The following FYB1 variants were observed in gnomAD, a reference collection of about 807,000 sequenced individuals.
The protein encoded by FYB1 is FYN binding protein 1, also known as FYN-binding protein 1.
A neutral mutation model predicts 94.1 loss-of-function variants in FYB1; 41 were observed. The observed-to-expected ratio is 0.44, with a 90% CI of 0.34 to 0.57. The LOEUF (loss-of-function observed/expected upper bound fraction) is 0.57, where lower values mean the gene tolerates loss of function less well. Among genes scored for constraint, FYB1 ranks in the 20% least tolerant of loss-of-function variants. The probability of loss-of-function intolerance (pLI) is 0.02; values close to 1 mark genes in which losing one functional copy is unlikely to be tolerated. For synonymous variants in FYB1, 367 were observed against 353.2 expected, an observed-to-expected ratio of 1.04 and a Z score of -0.44; for missense variants, 1,050 against 976.8, an observed-to-expected ratio of 1.07 and a Z score of -1.00.
At chr5:39,249,619 G>A (rs988100531) in intron 1 of FYB1, among the ~76,000 whole-genome samples, 2 of 152,150 alleles carry the variant, frequency 1.3e-5, no homozygotes, top group African/African-American at 4.8e-5. Context: ...GAGTCAAAGA[G>A]GACAAGAGCC....
chr5:39,112,679 G>A lies in FYB1; in HGVS notation c.2402-2290C>T, dbSNP rs970576040. Among the ~76,000 whole-genome samples, 4 of 152,164 alleles carry A rather than the reference G, an allele frequency of 2.6e-5. No homozygotes were observed. In the East Asian group the frequency reaches 7.7e-4, roughly 29 times the overall value. On this transcript the variant is annotated intron_variant, in intron 16 of 18. Transcript: ENST00000512982. ...ACTAAACGAAAAGAGAGCTAAAACA[G>A]TGCTTTACATGACCAAAGTTAATCA...
At chr5:39,252,131 C>G (rs1435469111) in intron 1 of FYB1, among the ~76,000 whole-genome samples, 2 of 151,300 alleles carry the variant, frequency 1.3e-5, no homozygotes, top group East Asian at 3.9e-4. Context: ...AGCGACAGAG[C>G]GAGACTCCGT....
intron 2 of FYB1, among the ~76,000 whole-genome samples, chr5:39,172,286 A>G (rs1438604633): frequency 3.3e-5 from 5 of 152,064 alleles, no homozygotes; most frequent in African/African-American, 1.2e-4. Flanking sequence ...TCTCTACTAA[A>G]TATACAAAAA....
At chr5:39,136,502 C>G (rs914743341) in intron 7 of FYB1, among the ~76,000 whole-genome samples, 2 of 152,134 alleles carry the variant, frequency 1.3e-5, no homozygotes, top group African/African-American at 4.8e-5. Flanking sequence ...TTACATATAG[C>G]AAGCTTTTTC....
chr5:39,151,165 A>G (rs562502991), intron 3 of FYB1, among the ~76,000 whole-genome samples: 2 of 152,280 alleles, frequency 1.3e-5, no homozygotes, highest in South Asian at 4.1e-4. Context: ...ACTTCTCTCA[A>G]GCAGCAACAT....
chr5:39,129,815 C>T (rs889803916), intron 10 of FYB1, among the ~76,000 whole-genome samples: 1 of 151,530 alleles, frequency 6.6e-6, no homozygotes, highest in Non-Finnish European at 1.5e-5. Context: ...CTCATACTGT[C>T]GGTGGGAATA....
chr5:39,130,061 C>G (rs1330395655), intron 10 of FYB1, among the ~76,000 whole-genome samples: 1 of 150,042 alleles, frequency 6.7e-6, no homozygotes, highest in South Asian at 2.1e-4. Context: ...CAATGAAATA[C>G]TATTTGGTCA....
At chr5:39,158,701 A>G (rs1401376512) in intron 2 of FYB1, among the ~76,000 whole-genome samples, 1 of 152,104 alleles carries the variant, frequency 6.6e-6, no homozygotes, top group African/African-American at 2.4e-5. Flanking sequence ...GTGACTTTTG[A>G]CTAAGAAGGT....
chr5:39,245,937 T>C (rs1751459071), intron 1 of FYB1, among the ~76,000 whole-genome samples: 1 of 152,216 alleles, frequency 6.6e-6, no homozygotes, highest in Admixed American at 6.5e-5. Context: ...AGCAGTATTA[T>C]TGTCCATTAT....
chr5:39,158,400 G>T (rs930457469), intron 2 of FYB1, among the ~76,000 whole-genome samples: 1 of 152,168 alleles, frequency 6.6e-6, no homozygotes, highest in Non-Finnish European at 1.5e-5. Context: ...TCACTGAAAT[G>T]CAGGCTACCC....
chr5:39,242,203 A>G (rs1751242364), intron 1 of FYB1, among the ~76,000 whole-genome samples: 1 of 151,990 alleles, frequency 6.6e-6, no homozygotes, highest in African/African-American at 2.4e-5. Flanking sequence ...GGTTTGTTAC[A>G]TATGTATACA....
chr5:39,140,959 A>G, intron 4 of FYB1, 136 bp downstream of exon 4: 1 of 642,510 alleles, frequency 1.6e-6, no homozygotes, highest in South Asian at 1.8e-5. Context: ...AAGAGGGAAT[A>G]AACAAATAAA....
At chr5:39,180,685 G>A (rs960618153) in intron 2 of FYB1, among the ~76,000 whole-genome samples, 2 of 152,140 alleles carry the variant, frequency 1.3e-5, no homozygotes, top group African/African-American at 2.4e-5. Context: ...GGTAAAATGT[G>A]GTTGGTATTT....
intron 2 of FYB1, among the ~76,000 whole-genome samples, chr5:39,158,044 A>G (rs953311654): frequency 6.6e-6 from 1 of 152,192 alleles, no homozygotes; most frequent in Non-Finnish European, 1.5e-5. Flanking sequence ...GACAAAAAAA[A>G]TTAAGGAAAA....
intron 2 of FYB1, among the ~76,000 whole-genome samples, chr5:39,187,838 GTTT>G (rs60559853): frequency 2.0e-5 from 3 of 150,720 alleles, no homozygotes; most frequent in African/African-American, 7.3e-5. Context: ...GTAGTGCTAA[GTTT>G]TTTTTTTTAT....
At chr5:39,229,707 T>G (rs1425847911) in intron 1 of FYB1, among the ~76,000 whole-genome samples, 1 of 152,166 alleles carries the variant, frequency 6.6e-6, no homozygotes, top group Non-Finnish European at 1.5e-5. Context: ...AAGGTGATGA[T>G]TATGCCCATT....
chr5:39,153,525 T>C lies in FYB1; in HGVS notation c.1215A>G (p.Pro405=), dbSNP rs756313167. The C allele has an allele frequency of 1.9e-6, 3 of 1,613,768 alleles. No homozygotes were observed. The highest frequency in any genetic ancestry group is 3.3e-5 in the Admixed American group (2 of 59,986). ...PPPSHPASQP[P]LPASHPSQPP... is the part of the protein sequence containing the mutation. ...GTTGTGATGGGTGAGATGCTGGCAA[T>C]GGTGGTTGGCTGGCCGGATGGGATG... Residue 405 remains proline, a synonymous_variant, in exon 3 of 19, where the codon CCA becomes CCG. Transcript: ENST00000512982.
At chr5:39,109,489 G>A (rs1350303916) in intron 17 of FYB1, among the ~76,000 whole-genome samples, 1 of 151,956 alleles carries the variant, frequency 6.6e-6, no homozygotes, top group African/African-American at 2.4e-5. Context: ...CCTATTGAAA[G>A]TCTCTTGCCT....
chr5:39,206,224 T>C (rs1036268677), intron 1 of FYB1, among the ~76,000 whole-genome samples: 7 of 152,172 alleles, frequency 4.6e-5, no homozygotes, highest in Non-Finnish European at 8.8e-5. Context: ...TAGAGCCCCT[T>C]AGCCACTAAT....
Sources: gnomAD v4.1 joint callset for allele counts (sites outside exome capture counted in the v4.1 genomes callset) on GRCh38, gnomAD v4.1.1 for gene constraint, MANE v1.5 for transcripts, NCBI Gene and HGNC (gene_info 2026-07-23, HGNC 2026-07-21) for gene names.